The following ATP8A2 variants were observed in gnomAD, a reference collection of about 807,000 sequenced individuals.
ATP8A2 encodes phospholipid-transporting ATPase IB.
ATP8A2 carries 100 observed loss-of-function variants against 165.6 expected under a neutral mutation model. That is an observed-to-expected ratio of 0.60 (90% CI 0.51 to 0.71). ATP8A2 has a LOEUF of 0.71. Among genes scored for constraint, ATP8A2 ranks in the 30% least tolerant of loss-of-function variants. The probability of loss-of-function intolerance (pLI) is 0.00; values close to 1 mark genes in which losing one functional copy is unlikely to be tolerated. For missense variants in ATP8A2, 1,227 were observed against 1,479.5 expected, an observed-to-expected ratio of 0.83 and a Z score of 2.80; for synonymous variants, 543 against 548.8, an observed-to-expected ratio of 0.99 and a Z score of 0.15.
chr13:25,853,396 A>AAAATATATATATATATATATAT, intron 30 of ATP8A2, among the ~76,000 whole-genome samples: 1 of 107,850 alleles, frequency 9.3e-6, no homozygotes, highest in African/African-American at 3.4e-5. Flanking sequence ...ATCTAAAAAA[A>AAAATATATATATATATATATAT]ATATATATAT....
intron 2 of ATP8A2, among the ~76,000 whole-genome samples, chr13:25,488,703 CAAG>C (rs1566177499): frequency 6.6e-6 from 1 of 152,116 alleles, no homozygotes; most frequent in East Asian, 1.9e-4. Context: ...ATACCTGTCT[CAAG>C]AAGAAAAAAA....
At chr13:25,854,667 C>A (rs889533807) in intron 30 of ATP8A2, among the ~76,000 whole-genome samples, 3 of 152,186 alleles carry the variant, frequency 2.0e-5, no homozygotes, top group Non-Finnish European at 2.9e-5. Flanking sequence ...TCTGTCCAAG[C>A]CACTCTGGGC....
At chr13:25,464,676 C>T (rs1038104605) in intron 1 of ATP8A2, among the ~76,000 whole-genome samples, 6 of 152,220 alleles carry the variant, frequency 3.9e-5, no homozygotes, top group Admixed American at 1.3e-4. Flanking sequence ...TGGTATTGCA[C>T]GGTATGACCT....
chr13:25,981,560 A>C lies in ATP8A2; in HGVS notation c.3377+12881A>C, dbSNP rs531740666. Among the ~76,000 whole-genome samples, 4 of 152,366 alleles carry C rather than the reference A, an allele frequency of 2.6e-5. No homozygotes were observed. In the East Asian group the frequency reaches 7.7e-4, roughly 29 times the overall value. ...TTTAATCTGAGATCCTGACAGAAGC[A>C]AGTTAACTTGAAAATATCTCTGGAT... On this transcript the variant is annotated intron_variant, in intron 35 of 36. Coordinates refer to ENST00000381655, the MANE Select transcript of ATP8A2 (RefSeq NM_016529.6).
At chr13:25,383,999 T>A (rs1049862498) in intron 1 of ATP8A2, among the ~76,000 whole-genome samples, 10 of 152,212 alleles carry the variant, frequency 6.6e-5, no homozygotes, top group Non-Finnish European at 1.5e-4. Context: ...CTGGGGATCT[T>A]TTAGGGAGCA....
chr13:25,793,934 T>C (rs11842112), intron 27 of ATP8A2, among the ~76,000 whole-genome samples: 26,677 of 152,226 alleles, frequency 0.18, 2,501 homozygotes, highest in Middle Eastern at 0.22. Flanking sequence ...GTTCATCCAG[T>C]TGCACATGAC....
At chr13:25,482,336 G>A (rs929580985) in intron 2 of ATP8A2, among the ~76,000 whole-genome samples, 1 of 152,136 alleles carries the variant, frequency 6.6e-6, no homozygotes, top group Non-Finnish European at 1.5e-5. Flanking sequence ...GGTAAGCATT[G>A]CAGTCCCTCT....
chr13:25,532,160 A>AGTTTCC, intron 4 of ATP8A2, 112 bp from the exon 5 acceptor site: 1 of 805,560 alleles, frequency 1.2e-6, no homozygotes, highest in Non-Finnish European at 2.1e-6. Flanking sequence ...CATGAGCATT[A>AGTTTCC]TTGGCATTTA....
chr13:25,670,191 A>C (rs185321626), intron 24 of ATP8A2, among the ~76,000 whole-genome samples: 1 of 152,210 alleles, frequency 6.6e-6, no homozygotes, highest in Non-Finnish European at 1.5e-5. Flanking sequence ...ATTTTAGTTC[A>C]GGGACCACTT....
chr13:25,614,221 T>C (rs2040763839), intron 24 of ATP8A2, among the ~76,000 whole-genome samples: 1 of 152,142 alleles, frequency 6.6e-6, no homozygotes, highest in South Asian at 2.1e-4. Flanking sequence ...GCTTTGTTCA[T>C]TTTTTTGTAT....
At chr13:25,383,345 C>T (rs2032924311) in intron 1 of ATP8A2, among the ~76,000 whole-genome samples, 1 of 150,982 alleles carries the variant, frequency 6.6e-6, no homozygotes, top group South Asian at 2.1e-4. Flanking sequence ...CCTTGTGATC[C>T]ACCCACCTCA....
chr13:25,863,238 T>A (rs960875289), intron 33 of ATP8A2: 1 of 152,464 alleles, frequency 6.6e-6, no homozygotes, highest in Non-Finnish European at 1.5e-5. Flanking sequence ...GCTGGGTGTG[T>A]TCCTCGGCAC....
intron 28 of ATP8A2, among the ~76,000 whole-genome samples, chr13:25,830,877 C>G (rs538951462): frequency 6.6e-6 from 1 of 152,312 alleles, no homozygotes; most frequent in Non-Finnish European, 1.5e-5. Context: ...AGAGCTTCCT[C>G]TTATACAACC....
intron 30 of ATP8A2, among the ~76,000 whole-genome samples, chr13:25,855,020 G>A (rs1952117264): frequency 6.6e-6 from 1 of 152,088 alleles, no homozygotes; most frequent in Non-Finnish European, 1.5e-5. Context: ...GGAGGCTAAG[G>A]CAGGTGGATC....
At chr13:25,521,099 G>A (rs887176793) in intron 2 of ATP8A2, among the ~76,000 whole-genome samples, 4 of 152,048 alleles carry the variant, frequency 2.6e-5, no homozygotes, top group Admixed American at 6.5e-5. Context: ...GTTTTGATTT[G>A]CATTTTTCTG....
At chr13:25,422,119 C>T (rs529722211) in intron 1 of ATP8A2, among the ~76,000 whole-genome samples, 12 of 152,176 alleles carry the variant, frequency 7.9e-5, no homozygotes, top group African/African-American at 2.6e-4. Context: ...ATCATTGCCC[C>T]CTCTTTTTTT....
At chr13:25,686,075 T>C (rs2042594840) in intron 24 of ATP8A2, among the ~76,000 whole-genome samples, 1 of 152,216 alleles carries the variant, frequency 6.6e-6, no homozygotes, top group Admixed American at 6.5e-5. Context: ...GGAGCTGTCC[T>C]GGACTGAAAG....
intron 29 of ATP8A2, among the ~76,000 whole-genome samples, chr13:25,839,111 A>G (rs1446107503): frequency 6.6e-6 from 1 of 152,176 alleles, no homozygotes; most frequent in Non-Finnish European, 1.5e-5. Context: ...TGCTTTTAAG[A>G]CATCCCATCT....
rs1246419748 is a variant in ATP8A2 at position 25,893,297 on chromosome 13, G to A, written c.3183+30889G>A. On this transcript the variant is annotated intron_variant, in intron 33 of 36. Transcript: ENST00000381655. The stretch of plus-strand genomic sequence containing the variant: ...TTCCCACCTATGAGTGAGAACATGC[G>A]GTGTTTGGTTTTTTGTCCTTGTGGT... 2.5e-3 allele frequency among the ~76,000 whole-genome samples: 379 copies of A among 148,828 alleles called. 2 individuals carry two copies. The highest frequency in any genetic ancestry group is 0.014 in the South Asian group (67 of 4,686).
Sources: allele counts gnomAD v4.1 joint callset (sites outside exome capture counted in the v4.1 genomes callset), GRCh38; gene constraint gnomAD v4.1.1; transcripts MANE v1.5; gene names NCBI Gene and HGNC (gene_info 2026-07-23, HGNC 2026-07-21).